Variants in CSMD1 observed in about 807,000 individuals in gnomAD.
CSMD1 encodes CUB and sushi domain-containing protein 1.
In CSMD1, 213 loss-of-function variants were observed where a neutral mutation model predicts 417.5. That is an observed-to-expected ratio of 0.51 (90% CI 0.46 to 0.57). CSMD1 has a LOEUF of 0.57. CSMD1 is among the 20% of genes least tolerant of loss of function. The probability of loss-of-function intolerance (pLI) is 0.00; values close to 1 mark genes in which losing one functional copy is unlikely to be tolerated. For synonymous variants in CSMD1, 2,862 were observed against 1,736.8 expected (o/e 1.65, Z -16.11); for missense variants, 6,923 against 4,529.7 (o/e 1.53, Z -15.17).
At chr8:4,805,947 G>C (rs190024292) in intron 1 of CSMD1, among the ~76,000 whole-genome samples, 55 of 152,246 alleles carry the variant, frequency 3.6e-4, no homozygotes, top group African/African-American at 1.2e-3. Flanking sequence ...CTGAGCCTTT[G>C]CTAGACGATT....
intron 3 of CSMD1, among the ~76,000 whole-genome samples, chr8:4,290,786 G>A (rs756753317): frequency 2.0e-5 from 3 of 151,950 alleles, no homozygotes; most frequent in Admixed American, 6.6e-5. Context: ...TGATTTTTTG[G>A]TAAGCTTTTA....
intron 6 of CSMD1, among the ~76,000 whole-genome samples, chr8:3,714,559 C>CG (rs1491450194): frequency 7.7e-4 from 2 of 2,602 alleles, no homozygotes; most frequent in Admixed American, 0.013. Flanking sequence ...CCATCTCTAT[C>CG]CCAAAAAAAA....
intron 3 of CSMD1, among the ~76,000 whole-genome samples, chr8:4,135,419 G>A (rs543733377): frequency 7.5e-6 from 1 of 132,892 alleles, no homozygotes; most frequent in Non-Finnish European, 1.6e-5. Context: ...AGAGGGGGAA[G>A]GAAGGGGAAG....
intron 2 of CSMD1, among the ~76,000 whole-genome samples, chr8:4,631,004 C>G (rs1195941287): frequency 1.3e-5 from 2 of 152,118 alleles, no homozygotes; most frequent in African/African-American, 2.4e-5. Flanking sequence ...CCTATAAAAG[C>G]TTTGACAGTG....
At position 4,491,020 on chromosome 8, in the gene CSMD1, T is replaced by C. The variant is rs79823826; in HGVS notation, c.303-70955A>G. ...ACAGTGTATTGAGGCTAGGGACATG[T>C]AGGCAGCTCCTATGGTACCTGGCTG... On this transcript the variant is annotated intron_variant, in intron 2 of 69. Coordinates refer to ENST00000635120, the MANE Select transcript of CSMD1 (RefSeq NM_033225.6). 2.5e-3 allele frequency among the ~76,000 whole-genome samples: 385 copies of C among 152,222 alleles called. 1 individual carries two copies. The highest frequency in any genetic ancestry group is 8.8e-3 in the African/African-American group (366 of 41,530).
chr8:3,660,789 G>A (rs912112903), intron 7 of CSMD1, among the ~76,000 whole-genome samples: 1 of 152,078 alleles, frequency 6.6e-6, no homozygotes, highest in African/African-American at 2.4e-5. Context: ...TCAAAGTGCT[G>A]GAATCACAGG....
chr8:3,062,514 G>C (rs2128994344), intron 49 of CSMD1, among the ~76,000 whole-genome samples: 1 of 150,190 alleles, frequency 6.7e-6, no homozygotes, highest in Middle Eastern at 3.4e-3. Flanking sequence ...GGCTTTTGCA[G>C]ACACTAAAGC....
At chr8:3,300,776 C>T (rs551353792) in intron 25 of CSMD1, among the ~76,000 whole-genome samples, 32 of 151,164 alleles carry the variant, frequency 2.1e-4, no homozygotes, top group Admixed American at 4.0e-4. Flanking sequence ...GGCAACAGGG[C>T]GAAACCCCGT....
intron 3 of CSMD1, among the ~76,000 whole-genome samples, chr8:4,373,033 C>T (rs945902846): frequency 2.6e-5 from 4 of 152,202 alleles, no homozygotes; most frequent in Non-Finnish European, 4.4e-5. Context: ...GATTCGGGCT[C>T]ACAGTGTATA....
chr8:4,244,912 A>G (rs954894294), intron 3 of CSMD1, among the ~76,000 whole-genome samples: 3 of 152,218 alleles, frequency 2.0e-5, no homozygotes, highest in Admixed American at 1.3e-4. Context: ...AACAACATTT[A>G]AATCTTCCAA....
Position 4,519,742 on chromosome 8 carries a change from C to CAAAAAAAAAAAAAAAAAAAAAAAAAAAAA in CSMD1, c.303-99706_303-99678dup, listed in dbSNP as rs57747377. Reference sequence around the variant, plus strand: ...TAGGCAGCAGAGTCAGACTTCATCTCAAAAAAAAAAAAAAAAAAAAAAAAA... The same window carrying CAAAAAAAAAAAAAAAAAAAAAAAAAAAAA: ...TAGGCAGCAGAGTCAGACTTCATCTCAAAAAAAAAAAAAAAAAAAAAAAAAAAAAAAAAAAAAAAAAAAAAAAAAAAAAA... On this transcript the variant is annotated intron_variant, in intron 2 of 69. Transcript: ENST00000635120. 1.1e-4 allele frequency among the ~76,000 whole-genome samples: 9 copies of CAAAAAAAAAAAAAAAAAAAAAAAAAAAAA among 80,392 alleles called. 4 individuals carry two copies. Among genetic ancestry groups the CAAAAAAAAAAAAAAAAAAAAAAAAAAAAA allele is most frequent in the Admixed American group, 3.1e-4 (2 of 6,456 alleles). The allele number at this position is 80,392 out of a possible 152,430, so 52.7% of individuals were successfully genotyped here. A position where few individuals can be genotyped will look rare whatever the true frequency, so the allele number is the denominator to read the frequency against.
chr8:3,003,616 T>A (rs143353223), intron 52 of CSMD1, among the ~76,000 whole-genome samples: 2 of 152,182 alleles, frequency 1.3e-5, no homozygotes, highest in Non-Finnish European at 2.9e-5. Context: ...TGGGTTGCAA[T>A]GTTCTTGGGG....
chr8:2,946,530 C>T (rs1307465592), intron 68 of CSMD1, among the ~76,000 whole-genome samples: 5 of 152,270 alleles, frequency 3.3e-5, no homozygotes, highest in South Asian at 2.1e-4. Context: ...CTTGGCATGA[C>T]GTTTTCAAGG....
In CSMD1 at chr8:3,399,375, C is replaced by CTAA. The variant is rs533188002; in HGVS notation, c.2405+13_2405+15dup. The CTAA allele has an allele frequency of 5.3e-3, 8,375 of 1,588,558 alleles. 33 individuals carry two copies. The highest frequency in any genetic ancestry group is 6.3e-3 in the Non-Finnish European group (7,356 of 1,168,012). On this transcript the variant is annotated intron_variant, in intron 16 of 69. Transcript: ENST00000635120. ...ACACACCATTGGGTCCAAATGAAGA[C>CTAA]TAATTTTTTTCTTACCTGTCAAAAG...
At chr8:4,568,710 T>C (rs1327597240) in intron 2 of CSMD1, among the ~76,000 whole-genome samples, 1 of 152,210 alleles carries the variant, frequency 6.6e-6, no homozygotes, top group Non-Finnish European at 1.5e-5. Flanking sequence ...TCTTCCACAA[T>C]GGTTGAACTA....
rs141538085 is a variant in CSMD1, at chr8:3,950,046, C to T, written c.818+47857G>A. 24 of 455,190 alleles carry T rather than the reference C, an allele frequency of 5.3e-5. No individual in the cohort carries two copies. In the Middle Eastern group the frequency reaches 1.6e-3, roughly 31 times the overall value. The allele number at this position is 455,190 out of a possible 1,614,324, so 28.2% of individuals were successfully genotyped here. A position where few individuals can be genotyped will look rare whatever the true frequency, so the allele number is the denominator to read the frequency against. On this transcript the variant is annotated intron_variant, in intron 5 of 69. Coordinates refer to ENST00000635120, the MANE Select transcript of CSMD1 (RefSeq NM_033225.6). ...TTTCCTGTGCGTATTTGCTGTCACG[C>T]TACAGACAGGACTGAGTTGCCAGAA... is the stretch of plus-strand genomic sequence containing the variant.
chr8:3,034,966 G>C (rs1024493341), intron 50 of CSMD1, among the ~76,000 whole-genome samples: 1 of 152,158 alleles, frequency 6.6e-6, no homozygotes, highest in Non-Finnish European at 1.5e-5. Context: ...GCTTTCTACT[G>C]AGCTCTCATT....
At position 2,997,985 on chromosome 8, in the gene CSMD1, G is replaced by T. The variant is rs757216717; in HGVS notation, c.8377+26C>A. 3 of 1,605,356 alleles carry T rather than the reference G, an allele frequency of 1.9e-6. No individual in the cohort carries two copies. In the South Asian group the frequency reaches 3.3e-5, roughly 18 times the overall value. ...AGCCTAGAACACTCTCAGAGCAAAG[G>T]GCTCATTCCTGGATGCTGTTCCTAC... On this transcript the variant is annotated intron_variant, in intron 54 of 69. Coordinates refer to ENST00000635120, the MANE Select transcript of CSMD1 (RefSeq NM_033225.6).
At chr8:4,016,259 A>G (rs955784523) in intron 4 of CSMD1, among the ~76,000 whole-genome samples, 1 of 152,126 alleles carries the variant, frequency 6.6e-6, no homozygotes, top group African/African-American at 2.4e-5. Context: ...CTGCTTGAGT[A>G]ATTCATAGGT....
Sources: gnomAD v4.1 joint callset for allele counts (sites outside exome capture counted in the v4.1 genomes callset) on GRCh38, gnomAD v4.1.1 for gene constraint, MANE v1.5 for transcripts, NCBI Gene and HGNC (gene_info 2026-07-23, HGNC 2026-07-21) for gene names.